Variants in RIMBP2 observed in about 807,000 individuals in gnomAD.
The protein encoded by RIMBP2 is RIMS-binding protein 2.
A neutral mutation model predicts 118.6 loss-of-function variants in RIMBP2; 48 were observed. The ratio of observed to expected loss-of-function variants is 0.40; its 90% CI spans 0.32 to 0.51. RIMBP2 has a LOEUF of 0.51. Ranked by LOEUF, RIMBP2 falls within the 20% of genes least tolerant of loss-of-function variation. RIMBP2 has a pLI of 0.41. For missense variants in RIMBP2, 1,551 were observed against 1,768.3 expected, an observed-to-expected ratio of 0.88 and a Z score of 2.20; for synonymous variants, 762 against 742.9, an observed-to-expected ratio of 1.03 and a Z score of -0.42.
In RIMBP2 at chr12:130,645,751, G is replaced by A. The variant is rs374470345; in HGVS notation, c.-351-17295C>T. Among the ~76,000 whole-genome samples the A allele has an allele frequency of 7.9e-5, 12 of 152,268 alleles. No homozygotes were observed. The South Asian group carries it at 1.0e-3, about 13-fold the overall frequency. On this transcript the variant is annotated intron_variant, in intron 1 of 22. Coordinates refer to ENST00000690449, the MANE Select transcript of RIMBP2 (RefSeq NM_001393629.1). ...AACCGTGCCTGATCTCTTCCTTATC[G>A]CTGGACTTTCAGGTTATTTAAACTT...
intron 8 of RIMBP2, 99 bp downstream of exon 8, chr12:130,451,096 A>G: frequency 7.6e-7 from 1 of 1,316,778 alleles, no homozygotes; most frequent in Non-Finnish European, 1.1e-6. Flanking sequence ...GAAGACAGGG[A>G]GGAAGATGGG....
intron 2 of RIMBP2, among the ~76,000 whole-genome samples, chr12:130,561,804 A>T (rs990168686): frequency 6.6e-6 from 1 of 152,064 alleles, no homozygotes; most frequent in African/African-American, 2.4e-5. Context: ...TTTAATTTTA[A>T]CCCACACAAC....
At chr12:130,493,376 G>A (rs11060945) in intron 4 of RIMBP2, among the ~76,000 whole-genome samples, 35,959 of 151,868 alleles carry the variant, frequency 0.24, 4,700 homozygotes, top group East Asian at 0.49. Context: ...GTGCAATGGC[G>A]TGATCTCGGC....
At chr12:130,414,881 C>T (rs1157247607) in intron 17 of RIMBP2, among the ~76,000 whole-genome samples, 1 of 152,214 alleles carries the variant, frequency 6.6e-6, no homozygotes, top group African/African-American at 2.4e-5. Context: ...TTCCTAGACA[C>T]ACACAACCTC....
At chr12:130,481,865 C>A (rs2082039906) in intron 4 of RIMBP2, among the ~76,000 whole-genome samples, 1 of 152,202 alleles carries the variant, frequency 6.6e-6, no homozygotes, top group African/African-American at 2.4e-5. Flanking sequence ...GGCTGTCAGC[C>A]CATTTGGGCC....
intron 17 of RIMBP2, among the ~76,000 whole-genome samples, chr12:130,417,170 G>A (rs996788078): frequency 6.6e-6 from 1 of 152,142 alleles, no homozygotes; most frequent in Non-Finnish European, 1.5e-5. Flanking sequence ...CAGCCACTGT[G>A]GAAAGCAGTT....
At position 130,470,757 on chromosome 12, in the gene RIMBP2, A is replaced by G; in HGVS notation, c.103-14T>C. On this transcript the variant is annotated splice_polypyrimidine_tract_variant and intron_variant, in intron 5 of 22. Transcript: ENST00000690449. ...CTCAACCTGAGCCTTTTTTATGATG[A>G]AAAGAGAGAAAAGAGTAAATGTCCA... is the stretch of plus-strand genomic sequence containing the variant. 8.2e-7 allele frequency: 1 copy of G among 1,225,738 alleles called. No individual in the cohort carries two copies. The highest frequency in any genetic ancestry group is 1.0e-6 in the Non-Finnish European group (1 of 982,266). 75.9% of individuals were successfully genotyped at this position (1,225,738 alleles called of 1,614,324 possible).
Position 130,528,471 on chromosome 12 carries a change from G to A in RIMBP2, c.-216-10554C>T, listed in dbSNP as rs547325355. Among the ~76,000 whole-genome samples, 61 of 152,304 alleles carry A rather than the reference G, an allele frequency of 4.0e-4. 1 individual carries two copies. Among genetic ancestry groups the A allele is most frequent in the African/African-American group, 1.3e-3 (56 of 41,568 alleles). On this transcript the variant is annotated intron_variant, in intron 2 of 22. Transcript: ENST00000690449. ...GTTGGAGGTTGAGGGTAGGGGAAGG[G>A]AGAGAATCAGGAAAAATAGCTAATG...
intron 6 of RIMBP2, among the ~76,000 whole-genome samples, chr12:130,461,107 T>C (rs541227979): frequency 6.6e-6 from 1 of 152,054 alleles, no homozygotes; most frequent in East Asian, 1.9e-4. Flanking sequence ...CCCGTGACAC[T>C]AGGGGTCACA....
At position 130,434,024 on chromosome 12, in the gene RIMBP2, C is replaced by T. The variant is rs1648872987; in HGVS notation, c.2253+710G>A. Among the ~76,000 whole-genome samples the T allele has an allele frequency of 6.6e-6, 1 of 152,192 alleles. No individual in the cohort carries two copies. On this transcript the variant is annotated intron_variant, in intron 14 of 22. Coordinates refer to ENST00000690449, the MANE Select transcript of RIMBP2 (RefSeq NM_001393629.1). This position sits in a 1 kb window ranked among gnomAD's most constrained non-coding sequence, Gnocchi z 5.7. Reference sequence around the variant, plus strand: ...GTCTGTAACCAGCCGGGACATAAACCCAGGCCTGAGAGATGCCAGTCCCCC... The same window carrying T: ...GTCTGTAACCAGCCGGGACATAAACTCAGGCCTGAGAGATGCCAGTCCCCC...
At chr12:130,405,377 C>T (rs140211931) in intron 21 of RIMBP2, among the ~76,000 whole-genome samples, 70 of 152,292 alleles carry the variant, frequency 4.6e-4, no homozygotes, top group African/African-American at 1.6e-3. Flanking sequence ...AGAAACCTAC[C>T]GTCCAGGATG....
intron 2 of RIMBP2, among the ~76,000 whole-genome samples, chr12:130,618,142 G>A (rs2140769243): frequency 6.6e-6 from 1 of 151,914 alleles, no homozygotes; most frequent in East Asian, 1.9e-4. Context: ...CCCCTAGATG[G>A]CAGGTTGCTT....
intron 2 of RIMBP2, among the ~76,000 whole-genome samples, chr12:130,551,704 T>C (rs1054149325): frequency 6.6e-6 from 1 of 152,192 alleles, no homozygotes; most frequent in African/African-American, 2.4e-5. Flanking sequence ...CAAGGTGAGA[T>C]AGGAACCCAA....
At chr12:130,599,858 A>C (rs2059768329) in intron 2 of RIMBP2, among the ~76,000 whole-genome samples, 1 of 152,220 alleles carries the variant, frequency 6.6e-6, no homozygotes, top group South Asian at 2.1e-4. Context: ...CCAAATCACT[A>C]AGCTAAAGGT....
chr12:130,455,031 G>A (rs965495909), intron 7 of RIMBP2, among the ~76,000 whole-genome samples: 5 of 152,206 alleles, frequency 3.3e-5, no homozygotes, highest in Admixed American at 6.5e-5. Flanking sequence ...CTGGAGCTTC[G>A]GTGGGCACGG....
intron 1 of RIMBP2, among the ~76,000 whole-genome samples, chr12:130,705,046 G>C (rs1298708273): frequency 6.6e-6 from 1 of 152,224 alleles, no homozygotes; most frequent in African/African-American, 2.4e-5. Flanking sequence ...GGGGTGGCAA[G>C]ACCAGCTCCC....
chr12:130,573,189 T>G (rs2140086792), intron 2 of RIMBP2, among the ~76,000 whole-genome samples: 1 of 152,116 alleles, frequency 6.6e-6, no homozygotes, highest in Admixed American at 6.6e-5. Flanking sequence ...ATTCTATGTA[T>G]CTATACTTAT....
chr12:130,702,550 AGG>A (rs2065906249), intron 1 of RIMBP2, among the ~76,000 whole-genome samples: 3 of 58,366 alleles, frequency 5.1e-5, no homozygotes, highest in African/African-American at 2.8e-4. Flanking sequence ...ACAAGAAAGA[AGG>A]AAGGAAGGAA....
chr12:130,577,567 G>A (rs1419755165), intron 2 of RIMBP2, among the ~76,000 whole-genome samples: 2 of 152,106 alleles, frequency 1.3e-5, no homozygotes. Context: ...TCACTATCGC[G>A]AGAACAGCAT....
Sources: allele counts gnomAD v4.1 joint callset (sites outside exome capture counted in the v4.1 genomes callset), GRCh38; gene constraint gnomAD v4.1.1; non-coding constraint Gnocchi (gnomAD v3.1); transcripts MANE v1.5; gene names NCBI Gene and HGNC (gene_info 2026-07-23, HGNC 2026-07-21).